REV3L: variants seen among roughly 807,000 people sequenced by gnomAD.
REV3L encodes the protein REV3 like, DNA directed polymerase zeta catalytic subunit, also known as DNA polymerase zeta catalytic subunit.
REV3L carries 69 observed loss-of-function variants against 299.4 expected under a neutral mutation model. That is an observed-to-expected ratio of 0.23 (90% confidence interval 0.19 to 0.28). The LOEUF is 0.28. Ranked by LOEUF, REV3L falls within the 10% of genes least tolerant of loss-of-function variation. The pLI is 1.00. For synonymous variants in REV3L, 1,238 were observed against 1,271.4 expected (o/e 0.97, Z 0.56); for missense variants, 3,128 against 3,693.8 (o/e 0.85, Z 3.97).
chr6:111,402,431 G>T (rs1371294063), intron 4 of REV3L, among the ~76,000 whole-genome samples: 1 of 152,158 alleles, frequency 6.6e-6, no homozygotes, highest in East Asian at 1.9e-4. Context: ...TCCCAAAGAA[G>T]GTTCTTAATT....
At chr6:111,457,015 G>A (rs1790236839) in intron 1 of REV3L, among the ~76,000 whole-genome samples, 1 of 151,826 alleles carries the variant, frequency 6.6e-6, no homozygotes, top group Non-Finnish European at 1.5e-5. Flanking sequence ...CCTTTTAGCG[G>A]TCTTAAATAT....
rs371757611 is a variant in REV3L at position 111,449,152 on chromosome 6, T to A, written c.140-32680A>T. Among the ~76,000 whole-genome samples, 7 of 152,304 alleles carry A rather than the reference T, an allele frequency of 4.6e-5. No homozygotes were observed. The East Asian group carries it at 1.4e-3, about 29-fold the overall frequency. On this transcript the variant is annotated intron_variant, in intron 1 of 31. Coordinates refer to ENST00000368802, the MANE Select transcript of REV3L (RefSeq NM_001372078.1). Reference sequence around the variant, plus strand: ...TTTACCCACTGCCTGAAATAATTAATAAACAGAAAAGCATGTAAATCAATG... The same window carrying A: ...TTTACCCACTGCCTGAAATAATTAAAAAACAGAAAAGCATGTAAATCAATG...
intron 2 of REV3L, among the ~76,000 whole-genome samples, chr6:111,413,786 T>C (rs1171061113): frequency 6.6e-6 from 1 of 152,102 alleles, no homozygotes; most frequent in Non-Finnish European, 1.5e-5. Flanking sequence ...GTAACTCAAC[T>C]ACTCTCAAAA....
At chr6:111,302,794 C>T (rs557294465) in intron 31 of REV3L, among the ~76,000 whole-genome samples, 26 of 152,100 alleles carry the variant, frequency 1.7e-4, no homozygotes, top group African/African-American at 5.5e-4. Context: ...CCCAGCTACT[C>T]GGGAGGCTGA....
At chr6:111,457,784 C>T (rs1790320228) in intron 1 of REV3L, among the ~76,000 whole-genome samples, 1 of 151,830 alleles carries the variant, frequency 6.6e-6, no homozygotes, top group Admixed American at 6.6e-5. Context: ...AAATGAAATA[C>T]ATGAAGAGAC....
intron 6 of REV3L, among the ~76,000 whole-genome samples, chr6:111,389,421 A>G (rs1781675317): frequency 6.6e-6 from 1 of 152,188 alleles, no homozygotes; most frequent in African/African-American, 2.4e-5. Context: ...AGTGAATACA[A>G]TTCAAACATC....
chr6:111,371,569 T>A (rs1262200565), intron 13 of REV3L, among the ~76,000 whole-genome samples: 3 of 151,408 alleles, frequency 2.0e-5, no homozygotes, highest in African/African-American at 7.3e-5. Flanking sequence ...TTTTTTTTTT[T>A]TTTTTTCTGA....
chr6:111,472,436 ACT>A (rs1263362575), intron 1 of REV3L, among the ~76,000 whole-genome samples: 11 of 152,020 alleles, frequency 7.2e-5, no homozygotes, highest in African/African-American at 2.7e-4. Flanking sequence ...TTGAGGTAAC[ACT>A]CTTTTATTAT....
chr6:111,448,567 C>T (rs1349736519), intron 1 of REV3L, among the ~76,000 whole-genome samples: 1 of 152,098 alleles, frequency 6.6e-6, no homozygotes, highest in Admixed American at 6.5e-5. Flanking sequence ...TCAAGTGATC[C>T]ACCTGCCTCG....
At chr6:111,472,397 T>C (rs1562366807) in intron 1 of REV3L, among the ~76,000 whole-genome samples, 1 of 152,220 alleles carries the variant, frequency 6.6e-6, no homozygotes, top group Non-Finnish European at 1.5e-5. Context: ...AGTATTCTTG[T>C]GAACTGTTAT....
At position 111,336,062 on chromosome 6, in the gene REV3L, CA is replaced by C. The variant is rs5879103; in HGVS notation, c.7539-453del. On this transcript the variant is annotated intron_variant, in intron 21 of 31. Coordinates refer to ENST00000368802, the MANE Select transcript of REV3L (RefSeq NM_001372078.1). The stretch of plus-strand genomic sequence containing the variant: ...ATAAAAACATGCACTATGTTCATGG[CA>C]AAAAAAAAAGAGTAATTTGGTGAAG... Among the ~76,000 whole-genome samples the C allele has an allele frequency of 3.0e-3, 433 of 143,886 alleles. 1 individual carries two copies. Among genetic ancestry groups the C allele is most frequent in the African/African-American group, 4.6e-3 (175 of 38,196 alleles). The allele number at this position is 143,886 out of a possible 152,430, so 94.4% of individuals were successfully genotyped here.
rs1771286358 is a variant in REV3L, at chr6:111,299,886, A to G, written c.*130T>C. 8 of 820,980 alleles carry G rather than the reference A, an allele frequency of 9.7e-6. No individual in the cohort carries two copies. Among genetic ancestry groups the G allele is most frequent in the Admixed American group, 2.8e-5 (1 of 36,194 alleles). 50.9% of individuals were successfully genotyped at this position (820,980 alleles called of 1,614,324 possible). A position where few individuals can be genotyped will look rare whatever the true frequency, so the allele number is the denominator to read the frequency against. On this transcript the variant is annotated 3_prime_UTR_variant, in exon 32 of 32. Coordinates refer to ENST00000368802, the MANE Select transcript of REV3L (RefSeq NM_001372078.1). ...TACATTTTAATTCGGTTAGCATAGA[A>G]GTCTTCATAGTCTTCAGATAACAGA...
intron 31 of REV3L, among the ~76,000 whole-genome samples, chr6:111,304,016 G>A (rs1292978711): frequency 3.3e-5 from 5 of 151,998 alleles, no homozygotes; most frequent in African/African-American, 1.2e-4. Context: ...CACCACACCT[G>A]GCCAGATATT....
chr6:111,394,854 C>G (rs144722363), intron 4 of REV3L, among the ~76,000 whole-genome samples: 1 of 152,154 alleles, frequency 6.6e-6, no homozygotes, highest in African/African-American at 2.4e-5. Context: ...AGGCATGCAC[C>G]ATCGTGACTG....
intron 1 of REV3L, among the ~76,000 whole-genome samples, chr6:111,419,847 T>G (rs1354595726): frequency 3.3e-5 from 5 of 152,112 alleles, no homozygotes; most frequent in Non-Finnish European, 5.9e-5. Flanking sequence ...GATTTTGGAT[T>G]CTCTTTTTTT....
intron 1 of REV3L, among the ~76,000 whole-genome samples, chr6:111,418,282 T>C (rs527316659): frequency 6.6e-6 from 1 of 152,352 alleles, no homozygotes; most frequent in East Asian, 1.9e-4. Context: ...AAGGTATTTG[T>C]TTTATAGTCA....
intron 4 of REV3L, among the ~76,000 whole-genome samples, chr6:111,398,849 AAAG>A (rs1415168412): frequency 1.3e-5 from 2 of 152,162 alleles, no homozygotes; most frequent in Non-Finnish European, 2.9e-5. Context: ...CTATATGATA[AAAG>A]AAGATGTAAA....
At chr6:111,411,959 C>CA (rs1481157163) in intron 2 of REV3L, 40 of 984,794 alleles carry the variant, frequency 4.1e-5, no homozygotes, top group Admixed American at 6.2e-5. Context: ...ATGAGAGAAA[C>CA]AGACCTTTCA....
intron 1 of REV3L, among the ~76,000 whole-genome samples, chr6:111,441,881 T>C (rs1384045849): frequency 6.6e-6 from 1 of 152,114 alleles, no homozygotes; most frequent in African/African-American, 2.4e-5. Context: ...CCTGTTGATG[T>C]GGGGTATGGG....
Sources: gnomAD v4.1 joint callset for allele counts (sites outside exome capture counted in the v4.1 genomes callset) on GRCh38, gnomAD v4.1.1 for gene constraint, MANE v1.5 for transcripts, NCBI Gene and HGNC (gene_info 2026-07-23, HGNC 2026-07-21) for gene names.